SPOCK1: variants seen among roughly 807,000 people sequenced by gnomAD.
SPOCK1 encodes SPARC (osteonectin), cwcv and kazal like domains proteoglycan 1.
A neutral mutation model predicts 55.3 loss-of-function variants in SPOCK1; 23 were observed. That is an observed-to-expected ratio of 0.42 (90% confidence interval 0.30 to 0.59). SPOCK1 has a LOEUF of 0.59. Among genes scored for constraint, SPOCK1 ranks in the 20% least tolerant of loss-of-function variants. The probability of loss-of-function intolerance (pLI) is 0.22; values close to 1 mark genes in which losing one functional copy is unlikely to be tolerated. For synonymous variants in SPOCK1, 226 were observed against 221.0 expected, an observed-to-expected ratio of 1.02 and a Z score of -0.20; for missense variants, 499 against 552.5, an observed-to-expected ratio of 0.90 and a Z score of 0.97.
chr5:137,462,528 C>T (rs1004826223), intron 2 of SPOCK1, among the ~76,000 whole-genome samples: 4 of 152,190 alleles, frequency 2.6e-5, no homozygotes, highest in Non-Finnish European at 5.9e-5. Context: ...GGAACCCCAG[C>T]TCCGCCACTT....
At chr5:137,495,827 T>G (rs1754288507) in intron 2 of SPOCK1, among the ~76,000 whole-genome samples, 1 of 152,154 alleles carries the variant, frequency 6.6e-6, no homozygotes, top group African/African-American at 2.4e-5. Flanking sequence ...CCACAACACT[T>G]TAAAGAGGTT....
intron 4 of SPOCK1, among the ~76,000 whole-genome samples, chr5:137,122,265 A>ACG (rs1308349091): frequency 1.3e-5 from 2 of 151,466 alleles, no homozygotes; most frequent in African/African-American, 2.4e-5. Context: ...ACGCACACAC[A>ACG]CACACACACA....
chr5:137,062,960 C>T (rs1052461482), intron 6 of SPOCK1, among the ~76,000 whole-genome samples: 10 of 152,036 alleles, frequency 6.6e-5, no homozygotes, highest in Non-Finnish European at 1.0e-4. Flanking sequence ...CAGGGCCGGG[C>T]GCGGTGGCTC....
At chr5:137,365,347 CTTCCAAGGGGCAG>C (rs2127168139) in intron 2 of SPOCK1, 1 of 152,370 alleles carries the variant, frequency 6.6e-6, no homozygotes, top group South Asian at 2.1e-4. Context: ...AAAGGTTCAC[CTTCCAAGGGGCAG>C]TTCTGGCTTT....
chr5:137,284,240 T>C (rs1580846655), intron 2 of SPOCK1, among the ~76,000 whole-genome samples: 1 of 152,168 alleles, frequency 6.6e-6, no homozygotes, highest in African/African-American at 2.4e-5. Context: ...CTGCCCCAAA[T>C]TGGCTACAGA....
At chr5:137,460,531 C>T (rs1753464773) in intron 2 of SPOCK1, among the ~76,000 whole-genome samples, 1 of 152,162 alleles carries the variant, frequency 6.6e-6, no homozygotes, top group African/African-American at 2.4e-5. Context: ...GTCCAGCAGC[C>T]AGCAGATGCA....
chr5:137,459,622 G>A (rs1753439018), intron 2 of SPOCK1, among the ~76,000 whole-genome samples: 1 of 152,052 alleles, frequency 6.6e-6, no homozygotes, highest in South Asian at 2.1e-4. Flanking sequence ...ACCCTGACCT[G>A]AAGGAGGTGC....
At chr5:136,979,177 G>A (rs943061410) in intron 10 of SPOCK1, among the ~76,000 whole-genome samples, 155 bp downstream of exon 10, 11 of 152,098 alleles carry the variant, frequency 7.2e-5, no homozygotes, top group South Asian at 2.1e-4. Flanking sequence ...CTAGCTACAC[G>A]GGAGCTCATG....
chr5:137,196,179 C>T (rs537900690), intron 3 of SPOCK1, among the ~76,000 whole-genome samples: 3 of 152,306 alleles, frequency 2.0e-5, no homozygotes, highest in Non-Finnish European at 4.4e-5. Flanking sequence ...CTACGTGCCA[C>T]CATCTCCAGC....
Position 137,250,342 on chromosome 5 carries a change from T to C in SPOCK1, c.232+16668A>G, listed in dbSNP as rs538777532. ...ATAAACTGACTTAATTGAGCCTCCA[T>C]TTCCTTTCCTGTAAGATAGGTACAA... On this transcript the variant is annotated intron_variant, in intron 3 of 10. Coordinates refer to ENST00000394945, the MANE Select transcript of SPOCK1 (RefSeq NM_004598.4). 2.6e-5 allele frequency among the ~76,000 whole-genome samples: 4 copies of C among 152,338 alleles called. No homozygotes were observed. The South Asian group carries it at 8.3e-4, about 32-fold the overall frequency.
At chr5:137,292,368 A>G (rs1309865378) in intron 2 of SPOCK1, among the ~76,000 whole-genome samples, 1 of 142,636 alleles carries the variant, frequency 7.0e-6, no homozygotes, top group Non-Finnish European at 1.5e-5. Context: ...CAGCATCCAG[A>G]AAAGGAAGGA....
intron 5 of SPOCK1, among the ~76,000 whole-genome samples, chr5:137,095,702 G>A (rs1753134602): frequency 6.6e-6 from 1 of 152,154 alleles, no homozygotes; most frequent in African/African-American, 2.4e-5. Context: ...AGCCAGCTGT[G>A]GTTCTCCATT....
chr5:137,355,906 T>C (rs1750782769), intron 2 of SPOCK1, among the ~76,000 whole-genome samples: 1 of 152,146 alleles, frequency 6.6e-6, no homozygotes, highest in African/African-American at 2.4e-5. Flanking sequence ...TCCAGCCTGG[T>C]AGCTCAGCCA....
chr5:137,405,416 G>A (rs1752076691), intron 2 of SPOCK1, among the ~76,000 whole-genome samples: 1 of 152,210 alleles, frequency 6.6e-6, no homozygotes, highest in African/African-American at 2.4e-5. Flanking sequence ...GCCAGAGGCA[G>A]GAGGTAAAGC....
intron 2 of SPOCK1, among the ~76,000 whole-genome samples, chr5:137,312,101 C>A (rs549430347): frequency 3.3e-5 from 5 of 152,228 alleles, no homozygotes; most frequent in South Asian, 2.1e-4. Flanking sequence ...TATGCCAATT[C>A]TTTCGGGTAC....
chr5:136,978,489 A>G lies in SPOCK1; in HGVS notation c.*165T>C. 3.4e-6 allele frequency: 2 copies of G among 592,224 alleles called. No individual in the cohort carries two copies. Among genetic ancestry groups the G allele is most frequent in the Non-Finnish European group, 5.3e-6 (2 of 375,580 alleles). The allele number at this position is 592,224 out of a possible 1,614,324, so 36.7% of individuals were successfully genotyped here. A position where few individuals can be genotyped will look rare whatever the true frequency, so the allele number is the denominator to read the frequency against. ...TTTCTCCCATACAAACATATGCAAA[A>G]TCAGAATCCTCTGGGAACAAGCAGT... On this transcript the variant is annotated 3_prime_UTR_variant, in exon 11 of 11. Coordinates refer to ENST00000394945, the MANE Select transcript of SPOCK1 (RefSeq NM_004598.4).
At chr5:137,029,988 G>A (rs920197284) in intron 6 of SPOCK1, among the ~76,000 whole-genome samples, 3 of 152,220 alleles carry the variant, frequency 2.0e-5, no homozygotes, top group Non-Finnish European at 2.9e-5. Flanking sequence ...TGGGCTGGGA[G>A]GCTTCTGCTA....
intron 2 of SPOCK1, among the ~76,000 whole-genome samples, chr5:137,393,559 T>C (rs941758100): frequency 2.0e-5 from 3 of 152,140 alleles, no homozygotes; most frequent in Admixed American, 6.5e-5. Flanking sequence ...GGTATATACA[T>C]CAAATGACAT....
intron 2 of SPOCK1, among the ~76,000 whole-genome samples, chr5:137,287,166 G>A (rs193121243): frequency 6.6e-6 from 1 of 152,224 alleles, no homozygotes; most frequent in East Asian, 1.9e-4. Context: ...AAGCATTATG[G>A]GGACATACAA....
Sources: gnomAD v4.1 joint callset for allele counts (sites outside exome capture counted in the v4.1 genomes callset) on GRCh38, gnomAD v4.1.1 for gene constraint, MANE v1.5 for transcripts, NCBI Gene and HGNC (gene_info 2026-07-23, HGNC 2026-07-21) for gene names.